SLC2A13: variants seen among roughly 807,000 people sequenced by gnomAD.
SLC2A13 encodes the protein proton myo-inositol cotransporter.
In SLC2A13, 32 loss-of-function variants were observed where a neutral mutation model predicts 64.4. The observed-to-expected ratio is 0.50, with a 90% confidence interval of 0.37 to 0.67. The LOEUF (loss-of-function observed/expected upper bound fraction) is 0.67. Ranked by LOEUF, SLC2A13 falls within the 30% of genes least tolerant of loss-of-function variation. The pLI, the probability that SLC2A13 is intolerant of heterozygous loss-of-function variation, is 0.00. For missense variants in SLC2A13, 743 were observed against 829.2 expected, an observed-to-expected ratio of 0.90 and a Z score of 1.28; for synonymous variants, 338 against 327.1, an observed-to-expected ratio of 1.03 and a Z score of -0.36.
chr12:40,043,719 A>T (rs1307849036), intron 2 of SLC2A13, among the ~76,000 whole-genome samples: 1 of 150,776 alleles, frequency 6.6e-6, no homozygotes, highest in African/African-American at 2.4e-5. Flanking sequence ...CTTTGTCAAC[A>T]CTACAATATA....
chr12:39,843,035 C>G (rs755370169), intron 6 of SLC2A13, among the ~76,000 whole-genome samples: 4 of 151,794 alleles, frequency 2.6e-5, no homozygotes, highest in Non-Finnish European at 4.4e-5. Flanking sequence ...TGGGTTATTT[C>G]TACGTTTTTT....
intron 3 of SLC2A13, among the ~76,000 whole-genome samples, chr12:40,006,837 A>G (rs1947429881): frequency 6.6e-6 from 1 of 152,216 alleles, no homozygotes; most frequent in African/African-American, 2.4e-5. Flanking sequence ...TCAAATACAC[A>G]TAACAAATTC....
At chr12:39,883,083 CCA>C (rs1262750232) in intron 4 of SLC2A13, among the ~76,000 whole-genome samples, 1 of 151,986 alleles carries the variant, frequency 6.6e-6, no homozygotes, top group Non-Finnish European at 1.5e-5. Context: ...AATTCACATA[CCA>C]TAAAACTTTA....
In SLC2A13 at chr12:39,756,368, G is replaced by A. The variant is rs1939969388; in HGVS notation, c.*3658C>T. ...TAATTAAAAACTTGTCACAACAAGT[G>A]AATAAAAGTCAGTTGTTAGGTACTT... On this transcript the variant is annotated 3_prime_UTR_variant, in exon 10 of 10. Coordinates refer to ENST00000280871, the MANE Select transcript of SLC2A13 (RefSeq NM_052885.4). 6.6e-6 allele frequency: 1 copy of A among 151,728 alleles called. No homozygotes were observed. Among genetic ancestry groups the A allele is most frequent in the African/African-American group, 2.4e-5 (1 of 41,378 alleles). The allele number at this position is 151,728 out of a possible 1,614,324, so 9.4% of individuals were successfully genotyped here.
At chr12:39,765,335 C>G (rs1940308022) in intron 7 of SLC2A13, among the ~76,000 whole-genome samples, 1 of 152,020 alleles carries the variant, frequency 6.6e-6, no homozygotes. Context: ...ATGATTCTAT[C>G]TGATTCCAAA....
At chr12:39,935,273 C>T (rs1945899227) in intron 4 of SLC2A13, among the ~76,000 whole-genome samples, 1 of 152,092 alleles carries the variant, frequency 6.6e-6, no homozygotes, top group African/African-American at 2.4e-5. Flanking sequence ...AAAACCTATC[C>T]AATATTATAA....
At chr12:39,783,796 C>A (rs1030222447) in intron 7 of SLC2A13, among the ~76,000 whole-genome samples, 1 of 152,126 alleles carries the variant, frequency 6.6e-6, no homozygotes, top group Non-Finnish European at 1.5e-5. Flanking sequence ...TCCCTGTTTG[C>A]AGATGACATG....
At position 39,996,686 on chromosome 12, in the gene SLC2A13, G is replaced by A. The variant is rs544512856; in HGVS notation, c.925+31615C>T. On this transcript the variant is annotated intron_variant, in intron 3 of 9. Coordinates refer to ENST00000280871, the MANE Select transcript of SLC2A13 (RefSeq NM_052885.4). ...AAGGGGCCAACATAGAGTTCGGGCCGTGGCTTCAGAGGGTGCAATCTTCAA... is the reference window on the plus strand; with the variant it reads ...AAGGGGCCAACATAGAGTTCGGGCCATGGCTTCAGAGGGTGCAATCTTCAA... Among the ~76,000 whole-genome samples the A allele has an allele frequency of 1.2e-4, 19 of 152,334 alleles. No individual in the cohort carries two copies. The East Asian group carries it at 2.7e-3, about 22-fold the overall frequency.
At chr12:39,920,475 C>T (rs746248610) in intron 4 of SLC2A13, among the ~76,000 whole-genome samples, 1 of 152,102 alleles carries the variant, frequency 6.6e-6, no homozygotes, top group Non-Finnish European at 1.5e-5. Context: ...GTACTTTTCA[C>T]TCTCTATCCT....
At chr12:39,972,006 A>AT (rs1468237072) in intron 3 of SLC2A13, among the ~76,000 whole-genome samples, 1 of 30,954 alleles carries the variant, frequency 3.2e-5, no homozygotes, top group East Asian at 8.4e-4. Context: ...AAATATATAT[A>AT]TATATATATT....
intron 4 of SLC2A13, among the ~76,000 whole-genome samples, chr12:39,879,931 C>T (rs780874761): frequency 6.6e-6 from 1 of 152,116 alleles, no homozygotes; most frequent in Non-Finnish European, 1.5e-5. Context: ...GATGTGAGGC[C>T]TGGTGGGTGT....
In SLC2A13 at chr12:40,105,107, G is replaced by A; in HGVS notation, c.556+146C>T. The A allele has an allele frequency of 2.8e-6, 3 of 1,071,258 alleles. No individual in the cohort carries two copies. Among genetic ancestry groups the A allele is most frequent in the Non-Finnish European group, 3.5e-6 (3 of 860,080 alleles). 66.4% of individuals were successfully genotyped at this position (1,071,258 alleles called of 1,614,324 possible). A position where few individuals can be genotyped will look rare whatever the true frequency, so the allele number is the denominator to read the frequency against. On this transcript the variant is annotated intron_variant, in intron 1 of 9. Coordinates refer to ENST00000280871, the MANE Select transcript of SLC2A13 (RefSeq NM_052885.4). This position sits in a 1 kb window ranked among gnomAD's most constrained non-coding sequence, Gnocchi z 4.2. ...GCCTTGGAGGCTGGACCAACAAACA[G>A]ATGGGCTCTGGAGGCCAGAGAAGTG...
At position 39,848,841 on chromosome 12, in the gene SLC2A13, AT is replaced by A. The variant is rs1398878425; in HGVS notation, c.1319+15920del. Reference sequence around the variant, plus strand: ...ATACACCAGGGAATATTATGCATCCATAAAAAAGGACGAGATCACATCTTTT... The same window carrying A: ...ATACACCAGGGAATATTATGCATCCAAAAAAAGGACGAGATCACATCTTTT... On this transcript the variant is annotated intron_variant, in intron 6 of 9. Coordinates refer to ENST00000280871, the MANE Select transcript of SLC2A13 (RefSeq NM_052885.4). 3.2e-4 allele frequency among the ~76,000 whole-genome samples: 48 copies of A among 152,340 alleles called. 1 individual carries two copies. The highest frequency in any genetic ancestry group is 1.5e-4 in the Non-Finnish European group (10 of 68,040).
intron 4 of SLC2A13, among the ~76,000 whole-genome samples, chr12:39,934,307 C>T (rs762740778): frequency 6.6e-6 from 1 of 152,136 alleles, no homozygotes; most frequent in Admixed American, 6.5e-5. Flanking sequence ...TTCAACCCAG[C>T]CCAGAACAGG....
At chr12:39,908,183 T>C (rs145818061) in intron 4 of SLC2A13, 2 of 152,172 alleles carry the variant, frequency 1.3e-5, no homozygotes, top group East Asian at 3.9e-4. Context: ...GGTGTATCTC[T>C]GGATACACAA....
rs1214914588 is a variant in SLC2A13, at chr12:39,759,136, T to A, written c.*890A>T. 1.3e-5 allele frequency: 2 copies of A among 152,494 alleles called. No homozygotes were observed. The highest frequency in any genetic ancestry group is 2.9e-5 in the Non-Finnish European group (2 of 67,906). 9.4% of individuals were successfully genotyped at this position (152,494 alleles called of 1,614,324 possible). The stretch of plus-strand genomic sequence containing the variant: ...TCCAAGGCCAATGAGGAAGGTGTAG[T>A]GATTTGGGCATGAACAAAAACTGAC... On this transcript the variant is annotated 3_prime_UTR_variant, in exon 10 of 10. Coordinates refer to ENST00000280871, the MANE Select transcript of SLC2A13 (RefSeq NM_052885.4).
intron 3 of SLC2A13, among the ~76,000 whole-genome samples, chr12:39,998,747 T>C (rs1363643863): frequency 6.6e-6 from 1 of 152,204 alleles, no homozygotes; most frequent in Non-Finnish European, 1.5e-5. Context: ...AATGCTGAGA[T>C]GAGTTAAGAC....
At chr12:39,917,376 A>C (rs1013046230) in intron 4 of SLC2A13, among the ~76,000 whole-genome samples, 5 of 152,114 alleles carry the variant, frequency 3.3e-5, no homozygotes, top group Non-Finnish European at 7.3e-5. Context: ...CTGAAAAGCA[A>C]AGGAGTCTCT....
At position 39,988,666 on chromosome 12, in the gene SLC2A13, G is replaced by GA. The variant is rs1162781676; in HGVS notation, c.926-37302_926-37301insT. Among the ~76,000 whole-genome samples the GA allele has an allele frequency of 4.2e-5, 5 of 120,104 alleles. No individual in the cohort carries two copies. In the Admixed American group the frequency reaches 4.4e-4, roughly 11 times the overall value. The allele number at this position is 120,104 out of a possible 152,430, so 78.8% of individuals were successfully genotyped here. Reference sequence around the variant, plus strand: ...GAGAGGGAGAAAAGGAAGGAGGGAGGGAGGGAGGGAAGAAGGGAGGGAGGG... The same window carrying GA: ...GAGAGGGAGAAAAGGAAGGAGGGAGGAGAGGGAGGGAAGAAGGGAGGGAGGG... On this transcript the variant is annotated intron_variant, in intron 3 of 9. Coordinates refer to ENST00000280871, the MANE Select transcript of SLC2A13 (RefSeq NM_052885.4).
Sources: allele counts gnomAD v4.1 joint callset (sites outside exome capture counted in the v4.1 genomes callset), GRCh38; gene constraint gnomAD v4.1.1; non-coding constraint Gnocchi (gnomAD v3.1); transcripts MANE v1.5; gene names NCBI Gene and HGNC (gene_info 2026-07-23, HGNC 2026-07-21).